FKTN: variants seen among roughly 807,000 people sequenced by gnomAD.
FKTN encodes the protein fukutin.
A neutral mutation model predicts 58.6 loss-of-function variants in FKTN; 47 were observed. That is an observed-to-expected ratio of 0.80 (90% CI 0.63 to 1.02). The LOEUF (loss-of-function observed/expected upper bound fraction) is 1.02, where lower values mean the gene tolerates loss of function less well. Among genes scored for constraint, FKTN ranks in the 50% least tolerant of loss-of-function variants. FKTN has a pLI of 0.00. For synonymous variants in FKTN, 178 were observed against 191.9 expected (o/e 0.93, Z 0.60); for missense variants, 516 against 537.3 (o/e 0.96, Z 0.39).
At chr9:105,580,206 A>G (rs1359446484) in intron 3 of FKTN, among the ~76,000 whole-genome samples, 1 of 152,176 alleles carries the variant, frequency 6.6e-6, no homozygotes, top group Non-Finnish European at 1.5e-5. Flanking sequence ...TGATCCTGTC[A>G]TTATGATGTT....
At position 105,635,872 on chromosome 9, in the gene FKTN, G is replaced by T; in HGVS notation, c.*608G>T. The T allele has an allele frequency of 6.1e-6, 6 of 991,416 alleles. No homozygotes were observed. The highest frequency in any genetic ancestry group is 7.2e-6 in the Non-Finnish European group (6 of 832,964). 61.4% of individuals were successfully genotyped at this position (991,416 alleles called of 1,614,324 possible). On this transcript the variant is annotated 3_prime_UTR_variant, in exon 11 of 11. Transcript: ENST00000357998. Reference sequence around the variant, plus strand: ...TTTTAGGGAAGGTGAGAGCTTATTTGTATCAGAGCTTATTACTTGTCAGGA... The same window carrying T: ...TTTTAGGGAAGGTGAGAGCTTATTTTTATCAGAGCTTATTACTTGTCAGGA...
At chr9:105,611,409 A>G (rs543016321) in intron 7 of FKTN, among the ~76,000 whole-genome samples, 4 of 152,288 alleles carry the variant, frequency 2.6e-5, no homozygotes, top group African/African-American at 9.6e-5. Flanking sequence ...TTACATAGGT[A>G]AACTTGTGTT....
intron 6 of FKTN, 80 bp downstream of exon 6, chr9:105,604,572 T>A: frequency 8.8e-7 from 1 of 1,131,920 alleles, no homozygotes; most frequent in East Asian, 2.4e-5. Flanking sequence ...CATTTGAGTA[T>A]TGAAATCTAA....
In FKTN at chr9:105,626,180, A is replaced by G. The variant is rs144684104; in HGVS notation, c.1172+6119A>G. Among the ~76,000 whole-genome samples the G allele has an allele frequency of 4.2e-3, 637 of 152,268 alleles. 17 individuals are homozygous for G. The highest frequency in any genetic ancestry group is 0.04 in the Admixed American group (613 of 15,280). Reference sequence around the variant, plus strand: ...TTTCAATTTGGGGCTATTATAGGTGATGCTGTAGTGAACATTTCTGTACGT... The same window carrying G: ...TTTCAATTTGGGGCTATTATAGGTGGTGCTGTAGTGAACATTTCTGTACGT... On this transcript the variant is annotated intron_variant, in intron 10 of 10. Coordinates refer to ENST00000357998, the MANE Select transcript of FKTN (RefSeq NM_001079802.2).
chr9:105,614,629 T>G (rs942734169), intron 7 of FKTN, among the ~76,000 whole-genome samples: 8 of 152,216 alleles, frequency 5.3e-5, no homozygotes, highest in African/African-American at 1.9e-4. Context: ...TCAGCTATGT[T>G]TGTAGCTCTC....
At chr9:105,582,077 A>C in intron 3 of FKTN, among the ~76,000 whole-genome samples, 1 of 152,066 alleles carries the variant, frequency 6.6e-6, no homozygotes, top group Non-Finnish European at 1.5e-5. Context: ...GGCACTCCCT[A>C]GTGAGATGAA....
chr9:105,572,862 CAG>C (rs1484717159), intron 1 of FKTN, among the ~76,000 whole-genome samples: 1 of 152,122 alleles, frequency 6.6e-6, no homozygotes, highest in East Asian at 1.9e-4. Context: ...TCTTGTATAC[CAG>C]AGACTACCCT....
At chr9:105,577,934 A>G (rs375782312) in intron 3 of FKTN, among the ~76,000 whole-genome samples, 62 of 151,112 alleles carry the variant, frequency 4.1e-4, no homozygotes, top group South Asian at 1.2e-3. Context: ...TGAAGCAATT[A>G]TGAATAGGAG....
intron 1 of FKTN, among the ~76,000 whole-genome samples, chr9:105,567,703 A>C (rs1038281280): frequency 6.6e-6 from 1 of 152,240 alleles, no homozygotes; most frequent in African/African-American, 2.4e-5. Flanking sequence ...TATCTTGAAA[A>C]TGGCCATACT....
chr9:105,592,726 A>G (rs1588023220), intron 3 of FKTN, among the ~76,000 whole-genome samples: 1 of 152,210 alleles, frequency 6.6e-6, no homozygotes, highest in Non-Finnish European at 1.5e-5. Flanking sequence ...GGGCCAGGGC[A>G]CAATGCAGCC....
At chr9:105,601,063 A>G (rs1827789060) in intron 4 of FKTN, 82 bp from the exon 5 acceptor site, 4 of 816,926 alleles carry the variant, frequency 4.9e-6, no homozygotes, top group Non-Finnish European at 8.2e-6. Context: ...GCATTCTTAT[A>G]CAATTAATGA....
At chr9:105,563,698 C>T (rs1178427495) in intron 1 of FKTN, among the ~76,000 whole-genome samples, 2 of 152,176 alleles carry the variant, frequency 1.3e-5, no homozygotes, top group African/African-American at 2.4e-5. Flanking sequence ...AGGAGGCCTG[C>T]CTGCCTCTGT....
At chr9:105,615,199 A>G in intron 7 of FKTN, 79 bp from the exon 8 acceptor site, 2 of 1,517,154 alleles carry the variant, frequency 1.3e-6, no homozygotes, top group Non-Finnish European at 1.8e-6. Context: ...TTAATTTTCA[A>G]ATTTAATTCA....
rs571218152 is a variant in FKTN at position 105,612,600 on chromosome 9, A to C, written c.781-2678A>C. Among the ~76,000 whole-genome samples, 26 of 152,360 alleles carry C rather than the reference A, an allele frequency of 1.7e-4. No individual in the cohort carries two copies. The South Asian group carries it at 5.4e-3, about 32-fold the overall frequency. ...ATGTATACTATAATTTTTAAAATTT[A>C]TAGCAGATGTTTAAGGTATATAGCT... On this transcript the variant is annotated intron_variant, in intron 7 of 10. Coordinates refer to ENST00000357998, the MANE Select transcript of FKTN (RefSeq NM_001079802.2).
At chr9:105,581,168 G>A (rs10816279) in intron 3 of FKTN, among the ~76,000 whole-genome samples, 16,526 of 148,960 alleles carry the variant, frequency 0.11, 1,141 homozygotes, top group Admixed American at 0.21. Context: ...CTCTCAGCTC[G>A]TCAAAGTCAT....
chr9:105,635,831 G>C lies in FKTN; in HGVS notation c.*567G>C, dbSNP rs1833992011. On this transcript the variant is annotated 3_prime_UTR_variant, in exon 11 of 11. Transcript: ENST00000357998. ...TAATCTTATGTGGAATTGAATTAGA[G>C]AACAAGGCATTATTCTTTTAGGGAA... is the stretch of plus-strand genomic sequence containing the variant. 3.0e-6 allele frequency: 3 copies of C among 997,322 alleles called. No homozygotes were observed. The highest frequency in any genetic ancestry group is 3.6e-6 in the Non-Finnish European group (3 of 836,210). 61.8% of individuals were successfully genotyped at this position (997,322 alleles called of 1,614,324 possible).
intron 4 of FKTN, among the ~76,000 whole-genome samples, chr9:105,599,304 A>G (rs1827400993): frequency 6.6e-6 from 1 of 152,140 alleles, no homozygotes; most frequent in Admixed American, 6.5e-5. Context: ...ATGCTAAAGT[A>G]AGCTTTCATT....
At chr9:105,611,701 A>G (rs1374642177) in intron 7 of FKTN, among the ~76,000 whole-genome samples, 1 of 152,192 alleles carries the variant, frequency 6.6e-6, no homozygotes, top group African/African-American at 2.4e-5. Context: ...GCTGCATAGT[A>G]TTCCATGGTG....
Position 105,600,520 on chromosome 9 carries a change from G to C in FKTN, c.166-625G>C, listed in dbSNP as rs538370554. Among the ~76,000 whole-genome samples, 4 of 151,962 alleles carry C rather than the reference G, an allele frequency of 2.6e-5. No homozygotes were observed. In the South Asian group the frequency reaches 8.3e-4, roughly 32 times the overall value. ...TTGAATTTTTGTTTTTTTCAGTAGGGGACCCTACTTACTACCCAGCAGAGT... is the reference window on the plus strand; with the variant it reads ...TTGAATTTTTGTTTTTTTCAGTAGGCGACCCTACTTACTACCCAGCAGAGT... On this transcript the variant is annotated intron_variant, in intron 4 of 10. Coordinates refer to ENST00000357998, the MANE Select transcript of FKTN (RefSeq NM_001079802.2).
Sources: gnomAD v4.1 joint callset for allele counts (sites outside exome capture counted in the v4.1 genomes callset) on GRCh38, gnomAD v4.1.1 for gene constraint, MANE v1.5 for transcripts, NCBI Gene and HGNC (gene_info 2026-07-23, HGNC 2026-07-21) for gene names.